Variants in DTNBP1 observed in about 807,000 individuals in gnomAD.
DTNBP1 encodes the protein dysbindin.
Under a neutral mutation model 42.8 loss-of-function variants are expected in DTNBP1, and 35 were observed. The observed-to-expected ratio is 0.82, with a 90% CI of 0.63 to 1.09. DTNBP1 has a LOEUF of 1.09. Ranked by LOEUF, DTNBP1 falls within the 50% of genes least tolerant of loss-of-function variation. DTNBP1 has a pLI of 0.00. For missense variants in DTNBP1, 457 were observed against 424.2 expected (o/e 1.08, Z -0.68); for synonymous variants, 171 against 162.2 (o/e 1.05, Z -0.41).
At chr6:15,551,480 T>C (rs1353411842) in intron 7 of DTNBP1, among the ~76,000 whole-genome samples, 1 of 152,184 alleles carries the variant, frequency 6.6e-6, no homozygotes, top group Non-Finnish European at 1.5e-5. Flanking sequence ...CAACACCTGA[T>C]GGTTCTCCAA....
intron 3 of DTNBP1, among the ~76,000 whole-genome samples, chr6:15,644,271 A>C (rs1760549865): frequency 6.6e-6 from 1 of 152,174 alleles, no homozygotes; most frequent in Non-Finnish European, 1.5e-5. Context: ...TGTACCCAAC[A>C]TCACAAGACC....
rs961507613 is a variant in DTNBP1, at chr6:15,607,097, C to T, written c.488+8170G>A. Among the ~76,000 whole-genome samples the T allele has an allele frequency of 2.7e-5, 4 of 150,712 alleles. No homozygotes were observed. In the East Asian group the frequency reaches 5.8e-4, roughly 22 times the overall value. Reference sequence around the variant, plus strand: ...GTGAGCTCAGCTCACTGCAACCTCCCGGTCCTGGGTTCAAGCAATTCTCCT... The same window carrying T: ...GTGAGCTCAGCTCACTGCAACCTCCTGGTCCTGGGTTCAAGCAATTCTCCT... On this transcript the variant is annotated intron_variant, in intron 6 of 9. Transcript: ENST00000344537.
intron 7 of DTNBP1, among the ~76,000 whole-genome samples, chr6:15,571,727 A>T (rs1048712100): frequency 6.6e-6 from 1 of 152,174 alleles, no homozygotes; most frequent in African/African-American, 2.4e-5. Flanking sequence ...ACTGTCTTCC[A>T]GCTGCACTGT....
Position 15,524,584 on chromosome 6 carries a change from G to A in DTNBP1, c.753C>T (p.Ala251=). 9.9e-6 allele frequency: 16 copies of A among 1,612,972 alleles called. No homozygotes were observed. The highest frequency in any genetic ancestry group is 1.3e-5 in the Non-Finnish European group (15 of 1,179,440). The stretch of plus-strand genomic sequence containing the variant: ...CTCCAGAGTTCAGGAAGACGTCCAG[G>A]GCCTCCTGGTCCGATATGTCCATCA... ...MDLMDISDQE[A]LDVFLNSGGE... is the part of the protein sequence containing the mutation. Residue 251 remains alanine (A), a synonymous_variant, in exon 9 of 10, where the codon GCC becomes GCT. Transcript: ENST00000344537.
chr6:15,615,216 T>C (rs765093073), intron 6 of DTNBP1, 51 bp downstream of exon 6: 17 of 1,613,258 alleles, frequency 1.1e-5, no homozygotes, highest in African/African-American at 8.0e-5. Flanking sequence ...TAAAGTAATA[T>C]GGAAAACTTC....
Position 15,662,866 on chromosome 6 carries a change from G to A in DTNBP1, c.4C>T (p.Leu2=), listed in dbSNP as rs747703599. The change falls in exon 1 of 10, where the codon CTG becomes TTG. Residue 2 remains leucine, a synonymous_variant. Transcript: ENST00000344537. M[L]ETLRERLLSV... ...AGCAGCCGCTCGCGAAGGGTCTCCA[G>A]CATTGCCGCCGCCGCCGGTCTCCTC... The A allele has an allele frequency of 1.9e-6, 3 of 1,606,300 alleles. No individual in the cohort carries two copies. Among genetic ancestry groups the A allele is most frequent in the Non-Finnish European group, 2.5e-6 (3 of 1,179,502 alleles).
At chr6:15,547,156 G>A (rs576961081) in intron 7 of DTNBP1, among the ~76,000 whole-genome samples, 7 of 152,146 alleles carry the variant, frequency 4.6e-5, no homozygotes, top group Non-Finnish European at 7.4e-5. Flanking sequence ...TTAAAACGCT[G>A]CATAAAAGAC....
At chr6:15,658,730 G>C (rs1049568974) in intron 1 of DTNBP1, among the ~76,000 whole-genome samples, 3 of 152,140 alleles carry the variant, frequency 2.0e-5, no homozygotes, top group Admixed American at 2.0e-4. Flanking sequence ...TATGTACTTT[G>C]GTATGTCCAA....
At chr6:15,614,957 C>T (rs558375902) in intron 6 of DTNBP1, 1 of 440,708 alleles carries the variant, frequency 2.3e-6, no homozygotes, top group African/African-American at 2.0e-5. Context: ...AAAAGAGCAA[C>T]CCAGTCATTT....
At chr6:15,524,454 C>G (rs1312487775) in intron 9 of DTNBP1, 72 bp downstream of exon 9, 1 of 1,613,914 alleles carries the variant, frequency 6.2e-7, no homozygotes, top group African/African-American at 1.3e-5. Context: ...AGATGGTTCT[C>G]ACGTCTCACC....
intron 6 of DTNBP1, among the ~76,000 whole-genome samples, chr6:15,606,592 A>G (rs1758067878): frequency 6.6e-6 from 1 of 152,194 alleles, no homozygotes. Context: ...CCTATTGCAG[A>G]GCCTATTAGC....
At chr6:15,591,556 G>C (rs1267870431) in intron 7 of DTNBP1, among the ~76,000 whole-genome samples, 1 of 152,192 alleles carries the variant, frequency 6.6e-6, no homozygotes, top group Non-Finnish European at 1.5e-5. Context: ...GATTTGATGT[G>C]CTGTTAATTG....
rs1761195673 is a variant in DTNBP1, at chr6:15,654,868, C to T, written c.57-2728G>A. ...ACAAAAGAAGTCTGATTATGGACTG[C>T]ATAATTGATAATATCAAAGAATTAG... On this transcript the variant is annotated intron_variant, in intron 1 of 9. Transcript: ENST00000344537. Among the ~76,000 whole-genome samples the T allele has an allele frequency of 2.6e-5, 4 of 152,276 alleles. No individual in the cohort carries two copies. In the South Asian group the frequency reaches 8.3e-4, roughly 32 times the overall value.
At chr6:15,615,949 C>G (rs1758691891) in intron 5 of DTNBP1, among the ~76,000 whole-genome samples, 1 of 152,212 alleles carries the variant, frequency 6.6e-6, no homozygotes, top group African/African-American at 2.4e-5. Flanking sequence ...GGGTGAGGAA[C>G]AGACTTTGCT....
At position 15,601,507 on chromosome 6, in the gene DTNBP1, G is replaced by T. The variant is rs544245076; in HGVS notation, c.489-8426C>A. 3.4e-4 allele frequency among the ~76,000 whole-genome samples: 52 copies of T among 152,210 alleles called. No individual in the cohort carries two copies. The South Asian group carries it at 5.2e-3, about 15-fold the overall frequency. The stretch of plus-strand genomic sequence containing the variant: ...CAAATCTACCTGAATTAATCCTTAA[G>T]AACTGTAACTTCTATTTTCTCTGCC... On this transcript the variant is annotated intron_variant, in intron 6 of 9. Coordinates refer to ENST00000344537, the MANE Select transcript of DTNBP1 (RefSeq NM_032122.5).
At chr6:15,620,846 A>C (rs569476481) in intron 5 of DTNBP1, among the ~76,000 whole-genome samples, 6 of 152,322 alleles carry the variant, frequency 3.9e-5, no homozygotes, top group African/African-American at 9.6e-5. Flanking sequence ...ATGCAATGTG[A>C]TACCTCGTCT....
intron 9 of DTNBP1, 52 bp downstream of exon 9, chr6:15,524,474 G>A: frequency 6.2e-7 from 1 of 1,613,366 alleles, no homozygotes; most frequent in Non-Finnish European, 8.5e-7. Context: ...CTTTGGAGGG[G>A]AGTGGCATCG....
rs1225517183 is a variant in DTNBP1, at chr6:15,587,550, T to C, written c.511+5509A>G. ...AGTCAAGGCAGTGTGGCACTGGCAATAAGGAACAAAGTTGAGAGTTCAGAA... is the reference window on the plus strand; with the variant it reads ...AGTCAAGGCAGTGTGGCACTGGCAACAAGGAACAAAGTTGAGAGTTCAGAA... On this transcript the variant is annotated intron_variant, in intron 7 of 9. Transcript: ENST00000344537. This position sits in a 1 kb window ranked among gnomAD's most constrained non-coding sequence, Gnocchi z 4.1. Among the ~76,000 whole-genome samples the C allele has an allele frequency of 6.6e-6, 1 of 152,158 alleles. No homozygotes were observed. The highest frequency in any genetic ancestry group is 6.5e-5 in the Admixed American group (1 of 15,278).
chr6:15,526,003 G>A (rs1458557401), intron 8 of DTNBP1, among the ~76,000 whole-genome samples: 1 of 152,204 alleles, frequency 6.6e-6, no homozygotes, highest in Non-Finnish European at 1.5e-5. Context: ...CAGCCAGAGA[G>A]AGAGGGCAGG....
Sources: allele counts gnomAD v4.1 joint callset (sites outside exome capture counted in the v4.1 genomes callset), GRCh38; gene constraint gnomAD v4.1.1; non-coding constraint Gnocchi (gnomAD v3.1); transcripts MANE v1.5; gene names NCBI Gene and HGNC (gene_info 2026-07-23, HGNC 2026-07-21).